Variants in PIGZ observed in about 807,000 individuals in gnomAD.
The protein encoded by PIGZ is GPI alpha-1,2-mannosyltransferase 4.
A neutral mutation model predicts 16.4 loss-of-function variants in PIGZ; 16 were observed. The ratio of observed to expected loss-of-function variants is 0.97; its 90% CI spans 0.66 to 1.48. The LOEUF is 1.48. Ranked by LOEUF, PIGZ falls within the 40% of genes most tolerant of loss-of-function variation. The probability of loss-of-function intolerance (pLI) is 0.00; values close to 1 mark genes in which losing one functional copy is unlikely to be tolerated. For missense variants in PIGZ, 770 were observed against 739.2 expected (o/e 1.04, Z -0.48); for synonymous variants, 409 against 338.4 (o/e 1.21, Z -2.29).
chr3:196,948,582 C>T lies in PIGZ; in HGVS notation c.315G>A (p.Trp105Ter). Residue 105 changes from tryptophan to a stop codon, truncating the protein, a stop_gained, in exon 3 of 3, where the codon TGG becomes TGA. Coordinates refer to ENST00000412723, the MANE Select transcript of PIGZ (RefSeq NM_025163.4). LOFTEE classifies it low-confidence loss of function (END_TRUNC). ...FPLLISGSTF[W>*]LLRLWEELGP... is the part of the protein sequence containing the mutation. Reference sequence around the variant, plus strand: ...CCAGCTCCTCCCAGAGCCTGAGCAGCCAGAAGGTGGAACCAGAGATCAGCA... The same window carrying T: ...CCAGCTCCTCCCAGAGCCTGAGCAGTCAGAAGGTGGAACCAGAGATCAGCA... The T allele has an allele frequency of 6.3e-7, 1 of 1,585,038 alleles. No individual in the cohort carries two copies.
At chr3:196,964,097 C>T (rs994562543) in intron 1 of PIGZ, among the ~76,000 whole-genome samples, 3 of 152,050 alleles carry the variant, frequency 2.0e-5, no homozygotes, top group African/African-American at 7.3e-5. Flanking sequence ...GTCGCCCAGG[C>T]TGGAGTGCAG....
chr3:196,951,788 C>T, intron 2 of PIGZ, 33 bp downstream of exon 2: 1 of 1,608,114 alleles, frequency 6.2e-7, no homozygotes, highest in East Asian at 2.2e-5. Context: ...GACTCTGCTG[C>T]AGCTTGTCTC....
rs1717876628 is a variant in PIGZ, at chr3:196,965,155, C to T, written c.-1+3532G>A. ...TTTACTGTGTTAATCTATTCTCACA[C>T]TGCTATAAAGAACTGCCCAAGACTG... is the stretch of plus-strand genomic sequence containing the variant. On this transcript the variant is annotated intron_variant, in intron 1 of 2. Transcript: ENST00000412723. The surrounding 1 kb of genome is among the most constrained non-coding windows in gnomAD (Gnocchi z 4.2). Among the ~76,000 whole-genome samples, 1 of 152,246 alleles carries T rather than the reference C, an allele frequency of 6.6e-6. No individual in the cohort carries two copies. Among genetic ancestry groups the T allele is most frequent in the Non-Finnish European group, 1.5e-5 (1 of 68,038 alleles).
At chr3:196,967,273 AGGTGTGTGCGCAGAAC>A (rs1376800259) in intron 1 of PIGZ, among the ~76,000 whole-genome samples, 8 of 152,100 alleles carry the variant, frequency 5.3e-5, no homozygotes, top group Admixed American at 3.3e-4. Context: ...TCCGGCGCCC[AGGTGTGTGCGCAGAAC>A]CGTGTCTGCT....
In PIGZ at chr3:196,947,772, G is replaced by A. The variant is rs375488478; in HGVS notation, c.1125C>T (p.Phe375=). The A allele has an allele frequency of 9.3e-6, 15 of 1,609,998 alleles. No homozygotes were observed. In the African/African-American group the frequency reaches 1.9e-4, roughly 20 times the overall value. ...SPRSYLLLLY[F]MPLALLSAFS... ...AGGCAGATAGCAGGGCCAGAGGCAT[G>A]AAGTAGAGGAGAAGGAGATAGGACC... is the stretch of plus-strand genomic sequence containing the variant. The change falls in exon 3 of 3, where the codon TTC becomes TTT. Residue 375 remains phenylalanine, a synonymous_variant. Coordinates refer to ENST00000412723, the MANE Select transcript of PIGZ (RefSeq NM_025163.4).
At position 196,946,956 on chromosome 3, in the gene PIGZ, T is replaced by C. The variant is rs1716904799; in HGVS notation, c.*201A>G. On this transcript the variant is annotated 3_prime_UTR_variant, in exon 3 of 3. Transcript: ENST00000412723. The stretch of plus-strand genomic sequence containing the variant: ...GGACCTTGACATCAAGACCGACAGG[T>C]CAAATCTTTGGTCTCAGGGAGAAGA... 1 of 510,236 alleles carries C rather than the reference T, an allele frequency of 2.0e-6. No individual in the cohort carries two copies. The highest frequency in any genetic ancestry group is 3.4e-6 in the Non-Finnish European group (1 of 292,940). The allele number at this position is 510,236 out of a possible 1,614,324, so 31.6% of individuals were successfully genotyped here.
rs3042833 is a variant in PIGZ, at chr3:196,957,171, T to TTGTGTG, written c.1-5146_1-5141dup. Among the ~76,000 whole-genome samples the TTGTGTG allele has an allele frequency of 6.2e-3, 905 of 146,694 alleles. 10 individuals are homozygous for TTGTGTG. Among genetic ancestry groups the TTGTGTG allele is most frequent in the South Asian group, 0.014 (63 of 4,592 alleles). ...CTAATCAAATTTTTGGCTCCAGGTT[T>TTGTGTG]TGTGTGTGTGTGTGTGTGTGTGTGT... On this transcript the variant is annotated intron_variant, in intron 1 of 2. Transcript: ENST00000412723.
chr3:196,947,420 A>T lies in PIGZ; in HGVS notation c.1477T>A (p.Trp493Arg). The part of the protein sequence containing the change: ...EVVDMGGTED[W>R]ALCQTLKSFT... ...CTTTTCAGGGTTTGGCACAGGGCCCAGTCCTCAGTCCCCCCCATGTCCACC... is the reference window on the plus strand; with the variant it reads ...CTTTTCAGGGTTTGGCACAGGGCCCTGTCCTCAGTCCCCCCCATGTCCACC... Residue 493 changes from tryptophan to arginine, a missense_variant, in exon 3 of 3, where the codon TGG becomes AGG. Transcript: ENST00000412723. 6.2e-7 allele frequency: 1 copy of T among 1,613,884 alleles called. No homozygotes were observed.
In PIGZ at chr3:196,951,821, C is replaced by A; in HGVS notation, c.211G>T (p.Glu71Ter). The part of the protein sequence containing the change: ...EFFQSPEVMA[E>*]DILGVQAARP... ...CTCAGCCACACATGCGGAGTTTTACCTGCCATCACCTCAGGGGACTGGAAG... is the reference window on the plus strand; with the variant it reads ...CTCAGCCACACATGCGGAGTTTTACATGCCATCACCTCAGGGGACTGGAAG... The change falls in exon 2 of 3, where the codon GAG (glutamate) becomes TAG (stop). Residue 71 changes from glutamate to a stop codon, truncating the protein, a stop_gained and splice_region_variant. Coordinates refer to ENST00000412723, the MANE Select transcript of PIGZ (RefSeq NM_025163.4). LOFTEE classifies it low-confidence loss of function (END_TRUNC). 2 of 1,614,108 alleles carry A rather than the reference C, an allele frequency of 1.2e-6. No individual in the cohort carries two copies. Among genetic ancestry groups the A allele is most frequent in the South Asian group, 1.1e-5 (1 of 91,066 alleles).
At position 196,947,540 on chromosome 3, in the gene PIGZ, T is replaced by G; in HGVS notation, c.1357A>C (p.Ser453Arg). Residue 453 changes from serine to arginine, a missense_variant, in exon 3 of 3, where the codon AGC becomes CGC. By Grantham distance (110) the Ser-to-Arg change is moderately radical. Transcript: ENST00000412723. Reference sequence around the variant, plus strand: ...AGGAGTGTGTAGTGGGTGGGTGTGCTTGGGAGCACAGGGGCATGGACCACC... The same window carrying G: ...AGGAGTGTGTAGTGGGTGGGTGTGCGTGGGAGCACAGGGGCATGGACCACC... ...EQVVHAPVLP[S>R]TPTHYTLLFT... The G allele has an allele frequency of 6.2e-7, 1 of 1,613,680 alleles. No homozygotes were observed. The highest frequency in any genetic ancestry group is 1.1e-5 in the South Asian group (1 of 91,084).
chr3:196,949,037 T>TC (rs796224468), intron 2 of PIGZ, among the ~76,000 whole-genome samples: 930 of 22,232 alleles, frequency 0.042, 333 homozygotes, highest in African/African-American at 0.28. Flanking sequence ...TTCCTTCCCT[T>TC]CCTTCCTTCC....
rs1237596841 is a variant in PIGZ, at chr3:196,955,607, C to T, written c.1-3576G>A. On this transcript the variant is annotated intron_variant, in intron 1 of 2. Transcript: ENST00000412723. ...TTTTTTTTTTTTTTTGAGATAGTCT[C>T]GCTCTGCTGCCCAGGCTGGAGTGCA... Among the ~76,000 whole-genome samples, 47 of 127,044 alleles carry T rather than the reference C, an allele frequency of 3.7e-4. No individual in the cohort carries two copies. In the Middle Eastern group the frequency reaches 0.027, roughly 73 times the overall value. The allele number at this position is 127,044 out of a possible 152,430, so 83.3% of individuals were successfully genotyped here. A position where few individuals can be genotyped will look rare whatever the true frequency, so the allele number is the denominator to read the frequency against.
At chr3:196,959,708 AT>A (rs943776602) in intron 1 of PIGZ, among the ~76,000 whole-genome samples, 1 of 151,766 alleles carries the variant, frequency 6.6e-6, no homozygotes, top group Non-Finnish European at 1.5e-5. Context: ...TTTAATTTCA[AT>A]TTTTTTTAGA....
rs770034917 is a variant in PIGZ, at chr3:196,966,315, C to T, written c.-1+2372G>A. On this transcript the variant is annotated intron_variant, in intron 1 of 2. Coordinates refer to ENST00000412723, the MANE Select transcript of PIGZ (RefSeq NM_025163.4). ...CCTCAGCTTTAAAACAAGTACCTAT[C>T]TCAGGGCTGTTGTGAAGATGAAATG... Among the ~76,000 whole-genome samples the T allele has an allele frequency of 3.3e-4, 51 of 152,260 alleles. 1 individual carries two copies. Among genetic ancestry groups the T allele is most frequent in the Non-Finnish European group, 3.7e-4 (25 of 68,042 alleles).
intron 1 of PIGZ, among the ~76,000 whole-genome samples, chr3:196,957,253 G>T (rs542612085): frequency 3.0e-4 from 45 of 152,058 alleles, no homozygotes; most frequent in Middle Eastern, 3.4e-3. Context: ...GTAAATTCAT[G>T]AGGGCAGGCT....
chr3:196,956,410 G>A (rs143106004), intron 1 of PIGZ, among the ~76,000 whole-genome samples: 1 of 152,314 alleles, frequency 6.6e-6, no homozygotes, highest in East Asian at 1.9e-4. Flanking sequence ...TGAGACGCAA[G>A]CAAAGGGGGT....
intron 1 of PIGZ, among the ~76,000 whole-genome samples, chr3:196,954,178 G>T (rs1268898772): frequency 6.6e-6 from 1 of 152,092 alleles, no homozygotes; most frequent in Non-Finnish European, 1.5e-5. Flanking sequence ...CCAGCTACTC[G>T]GGTGGCTAAG....
intron 1 of PIGZ, among the ~76,000 whole-genome samples, chr3:196,966,459 G>T (rs773123868): frequency 1.3e-5 from 2 of 152,160 alleles, no homozygotes; most frequent in Non-Finnish European, 2.9e-5. Flanking sequence ...CTCTGCAGGC[G>T]CCATGCGCTG....
chr3:196,948,512 G>A lies in PIGZ; in HGVS notation c.385C>T (p.Pro129Ser), dbSNP rs902329160. The A allele has an allele frequency of 6.2e-7, 1 of 1,612,388 alleles. No individual in the cohort carries two copies. Among genetic ancestry groups the A allele is most frequent in the Non-Finnish European group, 8.5e-7 (1 of 1,179,278 alleles). Reference sequence around the variant, plus strand: ...GAAAGGGCAGTGAGGAGGAGTCGAGGCCCCACCAGCAGCGCATAGCCGCTC... The same window carrying A: ...GAAAGGGCAGTGAGGAGGAGTCGAGACCCCACCAGCAGCGCATAGCCGCTC... ...LVSGYALLVG[P>S]RLLLTALSFA... is the part of the protein sequence containing the mutation. The change falls in exon 3 of 3, where the codon CCT becomes TCT. Residue 129 changes from proline to serine, a missense_variant. By Grantham distance (74) the Pro-to-Ser change is moderately conservative. Coordinates refer to ENST00000412723, the MANE Select transcript of PIGZ (RefSeq NM_025163.4).
Sources: allele counts gnomAD v4.1 joint callset (sites outside exome capture counted in the v4.1 genomes callset), GRCh38; gene constraint gnomAD v4.1.1; non-coding constraint Gnocchi (gnomAD v3.1); transcripts MANE v1.5; gene names NCBI Gene and HGNC (gene_info 2026-07-23, HGNC 2026-07-21).